PRKAR1B: variants seen among roughly 807,000 people sequenced by gnomAD.
The protein encoded by PRKAR1B is protein kinase cAMP-dependent type I regulatory subunit beta, also known as cAMP-dependent protein kinase type I-beta regulatory subunit.
In PRKAR1B, 22 loss-of-function variants were observed where a neutral mutation model predicts 46.5. That is an observed-to-expected ratio of 0.47 (90% CI 0.34 to 0.68). The LOEUF (loss-of-function observed/expected upper bound fraction) is 0.68. Ranked by LOEUF, PRKAR1B falls within the 30% of genes least tolerant of loss-of-function variation. The pLI is 0.01. For missense variants in PRKAR1B, 445 were observed against 535.6 expected (o/e 0.83, Z 1.67); for synonymous variants, 259 against 217.7 (o/e 1.19, Z -1.67).
intron 4 of PRKAR1B, among the ~76,000 whole-genome samples, chr7:659,013 G>A (rs1785357565): frequency 6.6e-6 from 1 of 152,086 alleles, no homozygotes; most frequent in South Asian, 2.1e-4. Flanking sequence ...TCACCAACAT[G>A]GGTCTCATGA....
At chr7:645,419 G>A (rs1352504627) in intron 4 of PRKAR1B, among the ~76,000 whole-genome samples, 3 of 152,186 alleles carry the variant, frequency 2.0e-5, no homozygotes, top group Non-Finnish European at 2.9e-5. Flanking sequence ...GGGAGGCCGA[G>A]GCAGGAGGAT....
upstream of PRKAR1B, chr7:727,384 CCT>C: frequency 1.1e-6 from 1 of 899,902 alleles, no homozygotes; most frequent in Non-Finnish European, 1.4e-6. Flanking sequence ...CTCCGCGGCC[CCT>C]CTCACAACCC....
chr7:680,421 T>C (rs1778601340), intron 3 of PRKAR1B, 135 bp downstream of exon 3: 2 of 912,888 alleles, frequency 2.2e-6, no homozygotes, highest in Non-Finnish European at 3.2e-6. Flanking sequence ...ATCACCCACA[T>C]AGTCCTCCCT....
chr7:659,853 G>C (rs1010197175), intron 4 of PRKAR1B, among the ~76,000 whole-genome samples: 1 of 152,146 alleles, frequency 6.6e-6, no homozygotes, highest in African/African-American at 2.4e-5. Flanking sequence ...CCACAGGTTT[G>C]TGCTACTGTG....
chr7:617,408 G>A (rs1454261217), intron 4 of PRKAR1B, among the ~76,000 whole-genome samples: 8 of 150,700 alleles, frequency 5.3e-5, no homozygotes, highest in East Asian at 2.0e-4. Flanking sequence ...GAGCTCAAGC[G>A]ATCCTCCTGC....
At chr7:675,340 C>T (rs761526984) in intron 4 of PRKAR1B, among the ~76,000 whole-genome samples, 23 of 152,318 alleles carry the variant, frequency 1.5e-4, no homozygotes, top group Non-Finnish European at 3.1e-4. Context: ...CACGGGCACA[C>T]GCCTGCAAAC....
chr7:691,689 C>T, intron 2 of PRKAR1B: 5 of 1,281,920 alleles, frequency 3.9e-6, no homozygotes, highest in African/African-American at 1.5e-5. Context: ...TGTGACCTCA[C>T]ACGGTCAAAA....
intron 9 of PRKAR1B, among the ~76,000 whole-genome samples, chr7:564,373 C>T (rs949133821): frequency 6.6e-6 from 1 of 152,248 alleles, no homozygotes; most frequent in Admixed American, 6.5e-5. Flanking sequence ...CCTCAACCTC[C>T]GCCCTTGCTC....
intron 2 of PRKAR1B, among the ~76,000 whole-genome samples, chr7:708,797 T>C (rs566931654): frequency 6.7e-6 from 1 of 150,006 alleles, no homozygotes; most frequent in African/African-American, 2.5e-5. Context: ...CCAATTTTTT[T>C]TTTTTTTTTT....
intron 9 of PRKAR1B, among the ~76,000 whole-genome samples, chr7:571,310 C>T (rs755707092): frequency 2.6e-5 from 4 of 152,052 alleles, no homozygotes; most frequent in African/African-American, 4.8e-5. Context: ...CACCCGATGA[C>T]GGGGTGTGCA....
chr7:698,872 C>A (rs189619735), intron 2 of PRKAR1B, among the ~76,000 whole-genome samples: 1 of 152,312 alleles, frequency 6.6e-6, no homozygotes, highest in African/African-American at 2.4e-5. Context: ...CTCCCTCACC[C>A]ACCATGGCGG....
At chr7:583,813 C>A (rs1273001399) in intron 8 of PRKAR1B, among the ~76,000 whole-genome samples, 7 of 151,656 alleles carry the variant, frequency 4.6e-5, no homozygotes, top group Non-Finnish European at 7.4e-5. Flanking sequence ...CACACTCATG[C>A]ACACACACGC....
In PRKAR1B at chr7:627,442, G is replaced by A. The variant is rs1010155019; in HGVS notation, c.441-19990C>T. Among the ~76,000 whole-genome samples, 6 of 152,208 alleles carry A rather than the reference G, an allele frequency of 3.9e-5. No individual in the cohort carries two copies. In the South Asian group the frequency reaches 8.3e-4, roughly 21 times the overall value. The stretch of plus-strand genomic sequence containing the variant: ...ATTTTACAGACGGGACACTGAGGCC[G>A]AGACTAACTCATGACTCCCCCACGC... On this transcript the variant is annotated intron_variant, in intron 4 of 10. Transcript: ENST00000537384.
At chr7:567,585 A>G (rs1313028694) in intron 9 of PRKAR1B, among the ~76,000 whole-genome samples, 1 of 152,114 alleles carries the variant, frequency 6.6e-6, no homozygotes, top group Admixed American at 6.6e-5. Flanking sequence ...CGCCATCATC[A>G]TCACCATCAG....
chr7:689,498 A>G (rs73047915), intron 2 of PRKAR1B, among the ~76,000 whole-genome samples: 23,454 of 152,126 alleles, frequency 0.15, 2,086 homozygotes, highest in South Asian at 0.24. Context: ...ATTTTTGAAG[A>G]AAACAAAATT....
intron 9 of PRKAR1B, among the ~76,000 whole-genome samples, chr7:571,962 G>A (rs922725362): frequency 9.2e-5 from 14 of 152,212 alleles, no homozygotes; most frequent in African/African-American, 2.9e-4. Flanking sequence ...CCGGGTGTCC[G>A]CCGGAGGCAG....
intron 2 of PRKAR1B, among the ~76,000 whole-genome samples, chr7:686,562 C>T (rs1428759422): frequency 6.6e-6 from 1 of 152,066 alleles, no homozygotes; most frequent in Non-Finnish European, 1.5e-5. Context: ...AGAATATTGA[C>T]ATGGTTGTTC....
At chr7:720,070 T>C (rs1014295642) in intron 1 of PRKAR1B, among the ~76,000 whole-genome samples, 5 of 150,254 alleles carry the variant, frequency 3.3e-5, no homozygotes, top group African/African-American at 7.3e-5. Flanking sequence ...TTTTTTTTTT[T>C]TTTGAGAGGG....
intron 1 of PRKAR1B, among the ~76,000 whole-genome samples, chr7:723,694 G>A (rs905091267): frequency 1.3e-5 from 2 of 152,150 alleles, no homozygotes; most frequent in Non-Finnish European, 2.9e-5. Flanking sequence ...ATGCAGACTC[G>A]ATCTTGCCAA....
Sources: allele counts gnomAD v4.1 joint callset (sites outside exome capture counted in the v4.1 genomes callset), GRCh38; gene constraint gnomAD v4.1.1; transcripts MANE v1.5; gene names NCBI Gene and HGNC (gene_info 2026-07-23, HGNC 2026-07-21).